Variants in ZNF587 observed in about 807,000 individuals in gnomAD.
The protein encoded by ZNF587 is zinc finger protein zfp6.
A neutral mutation model predicts 7.5 loss-of-function variants in ZNF587; 8 were observed. That is an observed-to-expected ratio of 1.06 (90% CI 0.62 to 1.92). The LOEUF (loss-of-function observed/expected upper bound fraction) is 1.92, where lower values mean the gene tolerates loss of function less well. Ranked by LOEUF, ZNF587 falls within the 40% of genes most tolerant of loss-of-function variation. The pLI is 0.00. For missense variants in ZNF587, 468 were observed against 692.8 expected, an observed-to-expected ratio of 0.68 and a Z score of 3.64; for synonymous variants, 145 against 237.8, an observed-to-expected ratio of 0.61 and a Z score of 3.59.
Position 57,862,733 on chromosome 19 carries a change from C to A in ZNF587, c.*2593C>A, listed in dbSNP as rs1211063525. ...CCAATCAGAAGAAGATTATCTGGGA[C>A]ACTGATACTGACAGGGAGATGGGAC... On this transcript the variant is annotated 3_prime_UTR_variant, in exon 3 of 3. Transcript: ENST00000339656. 6.5e-6 allele frequency: 1 copy of A among 154,906 alleles called. No individual in the cohort carries two copies. Among genetic ancestry groups the A allele is most frequent in the Non-Finnish European group, 1.5e-5 (1 of 68,234 alleles). 9.6% of individuals were successfully genotyped at this position (154,906 alleles called of 1,614,324 possible). A position where few individuals can be genotyped will look rare whatever the true frequency, so the allele number is the denominator to read the frequency against.
intron 2 of ZNF587, chr19:57,857,296 G>A (rs1270418096): frequency 6.6e-6 from 1 of 151,982 alleles, no homozygotes; most frequent in African/African-American, 2.4e-5. Context: ...GTATTTTTGG[G>A]GCAATATGAG....
chr19:57,855,349 A>T (rs994469961), intron 1 of ZNF587, among the ~76,000 whole-genome samples: 19 of 152,212 alleles, frequency 1.2e-4, no homozygotes, highest in African/African-American at 4.6e-4. Flanking sequence ...TGTCTCAAAA[A>T]AATCCCCCAA....
intron 1 of ZNF587, among the ~76,000 whole-genome samples, chr19:57,853,176 A>G (rs1232848123): frequency 6.6e-6 from 1 of 152,150 alleles, no homozygotes; most frequent in Non-Finnish European, 1.5e-5. Flanking sequence ...TCTAATGTGG[A>G]TGATAGGAGC....
At chr19:57,858,441 C>T (rs2071393601) in intron 2 of ZNF587, 135 bp from the exon 3 acceptor site, 13 of 1,462,782 alleles carry the variant, frequency 8.9e-6, no homozygotes, top group Non-Finnish European at 1.1e-5. Context: ...GCCCCATCTT[C>T]AACTTGAAGC....
intron 1 of ZNF587, 126 bp downstream of exon 1, chr19:57,850,197 C>T (rs2071263321): frequency 6.4e-7 from 1 of 1,558,904 alleles, no homozygotes; most frequent in Non-Finnish European, 8.8e-7. Context: ...GAGGCGCTCA[C>T]AGGAGGCCTC....
chr19:57,860,253 G>A lies in ZNF587; in HGVS notation c.*113G>A, dbSNP rs771120727. On this transcript the variant is annotated 3_prime_UTR_variant, in exon 3 of 3. Coordinates refer to ENST00000339656, the MANE Select transcript of ZNF587 (RefSeq NM_032828.4). ...CTGTCAATGTGGAAAACATCAGAAT[G>A]TCTGCTGTCCTCGGTCTTAAGCGAC... is the stretch of plus-strand genomic sequence containing the variant. The A allele has an allele frequency of 8.3e-6, 13 of 1,575,740 alleles. No homozygotes were observed. In the East Asian group the frequency reaches 2.2e-4, roughly 27 times the overall value.
Position 57,864,813 on chromosome 19 carries a change from CAA to C in ZNF587, c.*4676_*4677del, listed in dbSNP as rs1389534285. The C allele has an allele frequency of 1.3e-5, 2 of 151,946 alleles. No individual in the cohort carries two copies. Among genetic ancestry groups the C allele is most frequent in the Non-Finnish European group, 2.9e-5 (2 of 68,002 alleles). The allele number at this position is 151,946 out of a possible 1,614,324, so 9.4% of individuals were successfully genotyped here. A position where few individuals can be genotyped will look rare whatever the true frequency, so the allele number is the denominator to read the frequency against. ...TTTATTACACCAAATTATGTTCACA[CAA>C]AACCTTTGTAATCAGGGGGAATTAA... On this transcript the variant is annotated 3_prime_UTR_variant, in exon 3 of 3. Coordinates refer to ENST00000339656, the MANE Select transcript of ZNF587 (RefSeq NM_032828.4).
rs779185205 is a variant in ZNF587 at position 57,859,391 on chromosome 19, A to T, written c.979A>T (p.Arg327Ter). The T allele has an allele frequency of 6.2e-7, 1 of 1,607,630 alleles. No homozygotes were observed. ...VHTGEGPYECRECGKSFGQKG... is the reference protein window; with the variant it reads ...VHTGEGPYEC ...CACTGGAGAAGGGCCTTATGAGTGT[A>T]GAGAATGTGGGAAATCTTTTGGTCA... Residue 327 changes from arginine (R) to a stop codon, truncating the protein, a stop_gained, in exon 3 of 3, where the codon AGA becomes TGA. Transcript: ENST00000339656. LOFTEE classifies it low-confidence loss of function (END_TRUNC).
intron 1 of ZNF587, chr19:57,852,464 G>A (rs1398268376): frequency 5.0e-6 from 2 of 398,496 alleles, no homozygotes; most frequent in Non-Finnish European, 8.8e-6. Flanking sequence ...TAATGGATCA[G>A]ATAAGTGGTA....
intron 1 of ZNF587, chr19:57,851,053 G>A (rs1393330394): frequency 6.6e-6 from 1 of 152,324 alleles, no homozygotes; most frequent in Admixed American, 6.5e-5. Context: ...TGCTCTCGGG[G>A]CATAAAGACA....
Position 57,859,562 on chromosome 19 carries a change from G to A in ZNF587, c.1150G>A (p.Glu384Lys), listed in dbSNP as rs1283737285. 1.9e-6 allele frequency: 3 copies of A among 1,613,884 alleles called. No homozygotes were observed. The highest frequency in any genetic ancestry group is 8.5e-7 in the Non-Finnish European group (1 of 1,179,980). ...TGGAGAAAGGCCTTACAAGTGTGGA[G>A]AATGTGGGAAATCTTTTGGTCAAAA... Reference protein sequence around the residue: ...HTGERPYKCGECGKSFGQKGN... With the variant: ...HTGERPYKCGKCGKSFGQKGN... Residue 384 changes from glutamate (E) to lysine (K), a missense_variant, in exon 3 of 3, where the codon GAA becomes AAA. By Grantham distance (56) the Glu-to-Lys change is moderately conservative. Around this residue, in one of 5 missense-constraint regions of ZNF587, gnomAD observed 310 missense variants for 325.6 expected, o/e 0.95. Coordinates refer to ENST00000339656, the MANE Select transcript of ZNF587 (RefSeq NM_032828.4).
chr19:57,857,582 A>C (rs1443848554), intron 2 of ZNF587, among the ~76,000 whole-genome samples: 1 of 151,738 alleles, frequency 6.6e-6, no homozygotes, highest in Admixed American at 6.6e-5. Context: ...ATGTTTCTAT[A>C]TATATATAGA....
At chr19:57,856,264 G>A (rs1428189739) in intron 2 of ZNF587, 31 bp downstream of exon 2, 2 of 1,544,104 alleles carry the variant, frequency 1.3e-6, no homozygotes, top group African/African-American at 1.4e-5. Flanking sequence ...TTTGTGACCT[G>A]AGCTAGTGTT....
rs1262285516 is a variant in ZNF587, at chr19:57,861,235, TTC to T, written c.*1097_*1098del. On this transcript the variant is annotated 3_prime_UTR_variant, in exon 3 of 3. Coordinates refer to ENST00000339656, the MANE Select transcript of ZNF587 (RefSeq NM_032828.4). ...CTATCTACCATCAGTGTCCAAGAAT[TTC>T]TGTTCTATCTTACCAAGAGGGAGTA... 1 of 152,208 alleles carries T rather than the reference TTC, an allele frequency of 6.6e-6. No homozygotes were observed. The highest frequency in any genetic ancestry group is 2.4e-5 in the African/African-American group (1 of 41,444). The allele number at this position is 152,208 out of a possible 1,614,324, so 9.4% of individuals were successfully genotyped here. A position where few individuals can be genotyped will look rare whatever the true frequency, so the allele number is the denominator to read the frequency against.
chr19:57,858,470 A>G (rs2122347309), intron 2 of ZNF587, 106 bp from the exon 3 acceptor site: 2 of 1,504,668 alleles, frequency 1.3e-6, no homozygotes, highest in East Asian at 4.6e-5. Context: ...TGTTCCTGCA[A>G]ATATTTCTAT....
At chr19:57,858,502 A>G in intron 2 of ZNF587, 74 bp from the exon 3 acceptor site, 1 of 1,531,292 alleles carries the variant, frequency 6.5e-7, no homozygotes, top group Non-Finnish European at 8.7e-7. Context: ...TCAATTTGTG[A>G]GACGTACTTG....
At chr19:57,850,666 A>T in intron 1 of ZNF587, 1 of 398,558 alleles carries the variant, frequency 2.5e-6, no homozygotes, top group South Asian at 1.3e-4. Context: ...AGAAAGAGAC[A>T]GAATACGCAT....
intron 2 of ZNF587, among the ~76,000 whole-genome samples, chr19:57,857,755 C>G (rs1600123370): frequency 6.6e-6 from 1 of 151,984 alleles, no homozygotes; most frequent in Middle Eastern, 3.4e-3. Flanking sequence ...CTGCCTCAGC[C>G]TCCCAAGTAG....
rs147523932 is a variant in ZNF587 at position 57,856,545 on chromosome 19, C to T, written c.163+312C>T. Among the ~76,000 whole-genome samples the T allele has an allele frequency of 2.2e-4, 34 of 151,878 alleles. 1 individual carries two copies. The highest frequency in any genetic ancestry group is 8.2e-4 in the African/African-American group (34 of 41,304). ...GCCTCAGCCTCTCAAGTAGCTGGGA[C>T]TACAGGCGACTACCACCACGCCTGG... On this transcript the variant is annotated intron_variant, in intron 2 of 2. Coordinates refer to ENST00000339656, the MANE Select transcript of ZNF587 (RefSeq NM_032828.4).
Sources: gnomAD v4.1 joint callset for allele counts (sites outside exome capture counted in the v4.1 genomes callset) on GRCh38, gnomAD v4.1.1 for gene constraint, gnomAD v4.1.1 regional missense constraint, MANE v1.5 for transcripts, NCBI Gene and HGNC (gene_info 2026-07-23, HGNC 2026-07-21) for gene names.